TAF13: variants seen among roughly 807,000 people sequenced by gnomAD.
TAF13 encodes TATA-box binding protein associated factor 13.
In TAF13, 9 loss-of-function variants were observed where a neutral mutation model predicts 18.7. That is an observed-to-expected ratio of 0.48 (90% confidence interval 0.29 to 0.84). TAF13 has a LOEUF of 0.84. TAF13 is among the 40% of genes least tolerant of loss of function. TAF13 has a pLI of 0.08. For synonymous variants in TAF13, 49 were observed against 44.1 expected (o/e 1.11, Z -0.44); for missense variants, 105 against 146.5 (o/e 0.72, Z 1.46).
intron 2 of TAF13, among the ~76,000 whole-genome samples, chr1:109,069,889 G>A (rs1347102651): frequency 6.6e-6 from 1 of 151,944 alleles, no homozygotes; most frequent in Non-Finnish European, 1.5e-5. Context: ...AGTTCCTATC[G>A]TTCTGTTTTG....
At position 109,069,154 on chromosome 1, in the gene TAF13, G is replaced by C. The variant is rs568040442; in HGVS notation, c.107-2922C>G. Among the ~76,000 whole-genome samples the C allele has an allele frequency of 2.3e-4, 35 of 152,236 alleles. No homozygotes were observed. In the South Asian group the frequency reaches 7.3e-3, roughly 32 times the overall value. On this transcript the variant is annotated intron_variant, in intron 2 of 3. Transcript: ENST00000338366. ...TAAATGGTAAGAAATGCTGTCAAAT[G>C]CTGGAAGTGTTCTGTATCTTGATCT...
At chr1:109,074,817 A>G (rs1664154180) in intron 2 of TAF13, among the ~76,000 whole-genome samples, 170 bp downstream of exon 2, 1 of 151,948 alleles carries the variant, frequency 6.6e-6, no homozygotes, top group Non-Finnish European at 1.5e-5. Flanking sequence ...CACACACACA[A>G]TTGGGGTTAG....
intron 2 of TAF13, among the ~76,000 whole-genome samples, chr1:109,073,577 G>A (rs893688412): frequency 1.1e-4 from 17 of 152,132 alleles, no homozygotes; most frequent in African/African-American, 3.6e-4. Flanking sequence ...CGTGTTGGCC[G>A]GGCTGGTCTC....
At position 109,075,948 on chromosome 1, in the gene TAF13, C is replaced by T; in HGVS notation, c.-1G>A. The T allele has an allele frequency of 6.2e-7, 1 of 1,614,238 alleles. No homozygotes were observed. Among genetic ancestry groups the T allele is most frequent in the Non-Finnish European group, 8.5e-7 (1 of 1,180,038 alleles). ...TGGGGTCTTCTTCCTCATCTGCCAT[C>T]CCACTAGCACGCCAACTCACAGCGT... is the stretch of plus-strand genomic sequence containing the variant. On this transcript the variant is annotated 5_prime_UTR_variant, in exon 1 of 4. Transcript: ENST00000338366.
chr1:109,066,920 T>TGTGTTA (rs1663960370), intron 2 of TAF13, among the ~76,000 whole-genome samples: 2 of 151,968 alleles, frequency 1.3e-5, no homozygotes, highest in Admixed American at 1.3e-4. Context: ...GGGGTTTCAC[T>TGTGTTA]GTGTTAGCCA....
chr1:109,074,452 G>A (rs541721021), intron 2 of TAF13, among the ~76,000 whole-genome samples: 1 of 152,042 alleles, frequency 6.6e-6, no homozygotes, highest in South Asian at 2.1e-4. Flanking sequence ...AAGGCCGCAG[G>A]GTCCTCTGCC....
chr1:109,075,018 C>A lies in TAF13; in HGVS notation c.75G>T (p.Gln25His). The change falls in exon 2 of 4, where the codon CAG becomes CAT. Residue 25 changes from glutamine (Q) to histidine (H), a missense_variant. Gln to His is a conservative substitution (Grantham distance 24). Transcript: ENST00000338366. ...TAGAAAAAAGTCTCTTTCTTTTACC[C>A]TGTCCACCTTCTGCACCTCCTCCAA... ...EEIGGGAEGG[Q>H]GKRKRLFSKE... is the part of the protein sequence containing the mutation. 1 of 1,609,842 alleles carries A rather than the reference C, an allele frequency of 6.2e-7. No individual in the cohort carries two copies. Among genetic ancestry groups the A allele is most frequent in the East Asian group, 2.2e-5 (1 of 44,770 alleles).
intron 3 of TAF13, 24 bp from the exon 4 acceptor site, chr1:109,064,717 T>C (rs993322044): frequency 7.1e-7 from 1 of 1,404,970 alleles, no homozygotes; most frequent in South Asian, 1.8e-5. Flanking sequence ...ACATATTACA[T>C]TTAACTTTTT....
rs1485732779 is a variant in TAF13, at chr1:109,064,187, A to C, written c.*336T>G. The C allele has an allele frequency of 6.9e-6, 1 of 145,012 alleles. No individual in the cohort carries two copies. The highest frequency in any genetic ancestry group is 1.5e-5 in the Non-Finnish European group (1 of 67,352). 9.0% of individuals were successfully genotyped at this position (145,012 alleles called of 1,614,324 possible). On this transcript the variant is annotated 3_prime_UTR_variant, in exon 4 of 4. Coordinates refer to ENST00000338366, the MANE Select transcript of TAF13 (RefSeq NM_005645.4). ...AAAAAAAAAAAAAAAAAAAAGCTAC[A>C]GTATAGCTTACAAGGGCATAAACAT...
intron 2 of TAF13, among the ~76,000 whole-genome samples, chr1:109,069,172 C>G (rs1167157865): frequency 1.3e-5 from 2 of 151,856 alleles, no homozygotes; most frequent in Non-Finnish European, 2.9e-5. Context: ...TGTTCTGTAT[C>G]TTGATCTTAG....
At chr1:109,072,998 G>A (rs1291713696) in intron 2 of TAF13, among the ~76,000 whole-genome samples, 2 of 151,758 alleles carry the variant, frequency 1.3e-5, no homozygotes, top group South Asian at 4.1e-4. Flanking sequence ...CTCCCAAAGT[G>A]CTGGGATTAC....
rs1663916086 is a variant in TAF13, at chr1:109,064,387, T to A, written c.*136A>T. 2.5e-6 allele frequency: 2 copies of A among 810,942 alleles called. No homozygotes were observed. Among genetic ancestry groups the A allele is most frequent in the African/African-American group, 1.8e-5 (1 of 55,612 alleles). 50.2% of individuals were successfully genotyped at this position (810,942 alleles called of 1,614,324 possible). ...CAATATCACCCTAAAATCAAAGGCA[T>A]AAAAATAAAGGCTGAAAACTTTGTG... On this transcript the variant is annotated 3_prime_UTR_variant, in exon 4 of 4. Coordinates refer to ENST00000338366, the MANE Select transcript of TAF13 (RefSeq NM_005645.4).
At chr1:109,073,605 G>A (rs1664118428) in intron 2 of TAF13, among the ~76,000 whole-genome samples, 2 of 152,042 alleles carry the variant, frequency 1.3e-5, no homozygotes, top group East Asian at 3.9e-4. Context: ...GACCTCGAGT[G>A]ATCTGCCCGC....
In TAF13 at chr1:109,075,999, A is replaced by G; in HGVS notation, c.-52T>C. On this transcript the variant is annotated 5_prime_UTR_variant, in exon 1 of 4. Coordinates refer to ENST00000338366, the MANE Select transcript of TAF13 (RefSeq NM_005645.4). ...CCTGCCGGCTGGCTCCCAGCTGGTTACACTACTTCCGCCGCCTCACTTCCG... is the reference window on the plus strand; with the variant it reads ...CCTGCCGGCTGGCTCCCAGCTGGTTGCACTACTTCCGCCGCCTCACTTCCG... 6.2e-7 allele frequency: 1 copy of G among 1,613,798 alleles called. No individual in the cohort carries two copies. Among genetic ancestry groups the G allele is most frequent in the African/African-American group, 1.3e-5 (1 of 75,048 alleles).
At chr1:109,071,954 G>GAAAAAAAAAAAAAAA (rs1171636503) in intron 2 of TAF13, among the ~76,000 whole-genome samples, 2 of 40,456 alleles carry the variant, frequency 4.9e-5, no homozygotes, top group African/African-American at 1.3e-4. Context: ...GTCTCAAAAA[G>GAAAAAAAAAAAAAAA]AAAATATATA....
chr1:109,069,850 G>A (rs961794512), intron 2 of TAF13, among the ~76,000 whole-genome samples: 3 of 151,956 alleles, frequency 2.0e-5, no homozygotes, highest in African/African-American at 7.2e-5. Flanking sequence ...TCCAGAAACA[G>A]GAGTAAAAAA....
intron 2 of TAF13, among the ~76,000 whole-genome samples, chr1:109,071,675 C>T (rs1479692448): frequency 6.6e-6 from 1 of 151,534 alleles, no homozygotes; most frequent in Non-Finnish European, 1.5e-5. Flanking sequence ...GACGCTGAAG[C>T]TGGGCACGGT....
chr1:109,072,757 T>C (rs796690476), intron 2 of TAF13, among the ~76,000 whole-genome samples: 15 of 143,326 alleles, frequency 1.0e-4, no homozygotes, highest in Admixed American at 7.1e-4. Flanking sequence ...CATGTCACTA[T>C]AATGCCTTAC....
intron 2 of TAF13, among the ~76,000 whole-genome samples, chr1:109,069,643 T>A (rs556423745): frequency 2.4e-3 from 364 of 151,842 alleles, no homozygotes; most frequent in African/African-American, 6.3e-3. Flanking sequence ...TTTTTTTTTT[T>A]AAAAAAGATA....
Sources: allele counts gnomAD v4.1 joint callset (sites outside exome capture counted in the v4.1 genomes callset), GRCh38; gene constraint gnomAD v4.1.1; transcripts MANE v1.5; gene names NCBI Gene and HGNC (gene_info 2026-07-23, HGNC 2026-07-21).